The following SLC5A4 variants were observed in gnomAD, a reference collection of about 807,000 sequenced individuals.
The protein encoded by SLC5A4 is probable glucose sensor protein SLC5A4.
SLC5A4 carries 55 observed loss-of-function variants against 70.3 expected under a neutral mutation model. The observed-to-expected ratio is 0.78, with a 90% confidence interval of 0.63 to 0.98. The LOEUF is 0.98. Among genes scored for constraint, SLC5A4 ranks in the 50% least tolerant of loss-of-function variants. The pLI, the probability that SLC5A4 is intolerant of heterozygous loss-of-function variation, is 0.00. For missense variants in SLC5A4, 735 were observed against 839.2 expected, an observed-to-expected ratio of 0.88 and a Z score of 1.53; for synonymous variants, 268 against 305.7, an observed-to-expected ratio of 0.88 and a Z score of 1.29.
intron 7 of SLC5A4, among the ~76,000 whole-genome samples, chr22:32,236,707 T>G (rs906059522): frequency 6.9e-6 from 1 of 145,308 alleles, no homozygotes; most frequent in African/African-American, 2.5e-5. Flanking sequence ...AAGCAGTAAT[T>G]TTTTTTTTTT....
the SLC5A4 span, among the ~76,000 whole-genome samples, chr22:32,322,654 G>A: frequency 2.0e-5 from 3 of 152,100 alleles, no homozygotes; most frequent in East Asian, 3.9e-4. Flanking sequence ...GGAAAGAGCA[G>A]GATGGGGGCT....
At position 32,226,491 on chromosome 22, in the gene SLC5A4, CAG is replaced by C. The variant is rs1925406723; in HGVS notation, c.1281-670_1281-669del. On this transcript the variant is annotated intron_variant, in intron 11 of 14. Coordinates refer to ENST00000266086, the MANE Select transcript of SLC5A4 (RefSeq NM_014227.3). ...TTCATCTCTCTCTGCTCACATGAAA[CAG>C]AGAAGCAGTTGTGGGGTGGAGGAAG... 2.0e-5 allele frequency among the ~76,000 whole-genome samples: 3 copies of C among 152,172 alleles called. 1 individual carries two copies. In the South Asian group the frequency reaches 6.2e-4, roughly 32 times the overall value.
the SLC5A4 span, chr22:32,271,900 C>T: frequency 4.7e-5 from 27 of 580,274 alleles, no homozygotes; most frequent in Admixed American, 4.1e-4. Flanking sequence ...CCAAGATGTA[C>T]GCTGTGGCCA....
chr22:32,269,610 G>T, the SLC5A4 span: 1 of 615,118 alleles, frequency 1.6e-6, no homozygotes. The surrounding 1 kb of genome is among the most constrained non-coding windows in gnomAD (Gnocchi z 4.1). Flanking sequence ...CTGCACCCAG[G>T]CTCTGGCCGT....
At chr22:32,248,954 G>A in intron 3 of SLC5A4, 152 bp from the exon 4 acceptor site, 2 of 583,838 alleles carry the variant, frequency 3.4e-6, no homozygotes, top group Non-Finnish European at 6.2e-6. Flanking sequence ...ACAATTGTGA[G>A]TTCCTTTTTT....
At chr22:32,342,446 A>G in the SLC5A4 span, among the ~76,000 whole-genome samples, 1 of 152,198 alleles carries the variant, frequency 6.6e-6, no homozygotes, top group East Asian at 1.9e-4. Flanking sequence ...AGAGAAAAAA[A>G]CCACTAGCAG....
chr22:32,352,405 AT>A, the SLC5A4 span, among the ~76,000 whole-genome samples: 251 of 146,706 alleles, frequency 1.7e-3, no homozygotes, highest in African/African-American at 5.5e-3. Flanking sequence ...TACCCCAGAA[AT>A]TAAAAAAAAA....
At chr22:32,257,163 T>G (rs1387620624), upstream of SLC5A4, among the ~76,000 whole-genome samples, 1 of 152,176 alleles carries the variant, frequency 6.6e-6, no homozygotes, top group Non-Finnish European at 1.5e-5. Context: ...CAATCACTAG[T>G]AGTGTTGATT....
At chr22:32,325,331 G>A in the SLC5A4 span, among the ~76,000 whole-genome samples, 5 of 152,262 alleles carry the variant, frequency 3.3e-5, no homozygotes, top group Non-Finnish European at 5.9e-5. Flanking sequence ...TGTGTCAGTG[G>A]TGAGTGTCTA....
rs546795364 is a variant in SLC5A4, at chr22:32,243,492, T to C, written c.477+3919A>G. Among the ~76,000 whole-genome samples, 44 of 152,330 alleles carry C rather than the reference T, an allele frequency of 2.9e-4. No individual in the cohort carries two copies. The South Asian group carries it at 8.9e-3, about 31-fold the overall frequency. Reference sequence around the variant, plus strand: ...GTATCCATGTTATGTTTACTTGAGTTGATAATTCCAATTGGTTTTGCAAGA... The same window carrying C: ...GTATCCATGTTATGTTTACTTGAGTCGATAATTCCAATTGGTTTTGCAAGA... On this transcript the variant is annotated intron_variant, in intron 5 of 14. Coordinates refer to ENST00000266086, the MANE Select transcript of SLC5A4 (RefSeq NM_014227.3).
At chr22:32,339,572 G>A in the SLC5A4 span, among the ~76,000 whole-genome samples, 7 of 151,972 alleles carry the variant, frequency 4.6e-5, no homozygotes, top group African/African-American at 1.4e-4. Flanking sequence ...CTTCTGTTCC[G>A]CCGGGCCCTC....
rs767574346 is a variant in SLC5A4, at chr22:32,218,577, TA to T, written c.1916del (p.Ile639LysfsTer2). On this transcript the variant is annotated frameshift_variant, in exon 15 of 15. Transcript: ENST00000266086. LOFTEE classifies it low-confidence loss of function (END_TRUNC). Reference protein sequence around the residue: ...DTSERPSWRTIVNINAILLLA... With the variant: ...DTSERPSWRTXVNINAILLLA... ...GGAGGAGGATGGCGTTGATGTTCAC[TA>T]TTGTCCTCCACGAGGGCCTCTCAGA... is the stretch of plus-strand genomic sequence containing the variant. 2.5e-6 allele frequency: 4 copies of T among 1,614,052 alleles called. No individual in the cohort carries two copies. Among genetic ancestry groups the T allele is most frequent in the Non-Finnish European group, 3.4e-6 (4 of 1,180,000 alleles).
chr22:32,308,638 C>T, the SLC5A4 span, among the ~76,000 whole-genome samples: 6 of 152,342 alleles, frequency 3.9e-5, no homozygotes, highest in East Asian at 9.7e-4. Flanking sequence ...AGCTCTGGGA[C>T]ACATTTGAAT....
chr22:32,291,771 C>T, the SLC5A4 span, among the ~76,000 whole-genome samples: 63 of 150,568 alleles, frequency 4.2e-4, no homozygotes, highest in African/African-American at 1.4e-3. Flanking sequence ...TGACCTTAGC[C>T]TATTTATATT....
At chr22:32,329,421 T>C in the SLC5A4 span, among the ~76,000 whole-genome samples, 1 of 152,056 alleles carries the variant, frequency 6.6e-6, no homozygotes, top group African/African-American at 2.4e-5. Flanking sequence ...GCCGCGGACA[T>C]GCTTGAGGGA....
chr22:32,262,407 A>G, the SLC5A4 span, among the ~76,000 whole-genome samples: 2 of 152,174 alleles, frequency 1.3e-5, no homozygotes, highest in East Asian at 1.9e-4. Context: ...AGGGGCTCGG[A>G]GGGGCCTCAC....
rs867246496 is a variant in SLC5A4, at chr22:32,235,053, C to T, written c.705G>A (p.Lys235=). 1 of 1,613,912 alleles carries T rather than the reference C, an allele frequency of 6.2e-7. No individual in the cohort carries two copies. Residue 235 remains lysine (K), a synonymous_variant, in exon 8 of 15, where the codon AAG becomes AAA. Coordinates refer to ENST00000266086, the MANE Select transcript of SLC5A4 (RefSeq NM_014227.3). ...CTACGGATGGGGTGGCATTCACGTA[C>T]TTCTCGGTAAAGCTCTCATAACCTC... ...EVGGYESFTE[K]YVNATPSVVE...
At chr22:32,250,762 A>G (rs1317233034) in intron 3 of SLC5A4, among the ~76,000 whole-genome samples, 1 of 152,174 alleles carries the variant, frequency 6.6e-6, no homozygotes, top group Non-Finnish European at 1.5e-5. Context: ...ATACCATAGA[A>G]TACTACACAG....
At chr22:32,267,959 C>T in the SLC5A4 span, among the ~76,000 whole-genome samples, 957 of 152,208 alleles carry the variant, frequency 6.3e-3, 8 homozygotes, top group African/African-American at 0.022. Flanking sequence ...TCCATCTCTA[C>T]TAAAAATACA....
Sources: allele counts gnomAD v4.1 joint callset (sites outside exome capture counted in the v4.1 genomes callset), GRCh38; gene constraint gnomAD v4.1.1; non-coding constraint Gnocchi (gnomAD v3.1); transcripts MANE v1.5; gene names NCBI Gene and HGNC (gene_info 2026-07-23, HGNC 2026-07-21).